Variants in KRT71 observed in about 807,000 individuals in gnomAD.
The protein encoded by KRT71 is keratin 71.
In KRT71, 42 loss-of-function variants were observed where a neutral mutation model predicts 46.2. The ratio of observed to expected loss-of-function variants is 0.91; its 90% CI spans 0.71 to 1.18. The LOEUF is 1.18. Among genes scored for constraint, KRT71 ranks in the 50% most tolerant of loss-of-function variants. The probability of loss-of-function intolerance (pLI) is 0.00; values close to 1 mark genes in which losing one functional copy is unlikely to be tolerated. For missense variants in KRT71, 708 were observed against 677.9 expected (o/e 1.04, Z -0.49); for synonymous variants, 292 against 277.8 (o/e 1.05, Z -0.51).
In KRT71 at chr12:52,544,609, C is replaced by G. The variant is rs1281728918; in HGVS notation, c.1495G>C (p.Gly499Arg). ...SVRGGEGRSR[G>R]SANDYKDTLG... ...GTGTCTTTGTAATCGTTGGCACTGC[C>G]CCGGCTCCTGCCCTCCCCGCCTCTC... The change falls in exon 9 of 9, where the codon GGC becomes CGC. Residue 499 changes from glycine to arginine, a missense_variant. Transcript: ENST00000267119. 9 of 1,613,976 alleles carry G rather than the reference C, an allele frequency of 5.6e-6. No individual in the cohort carries two copies. The highest frequency in any genetic ancestry group is 1.7e-5 in the Admixed American group (1 of 60,010).
intron 8 of KRT71, 55 bp from the exon 9 acceptor site, chr12:52,544,798 C>G: frequency 6.8e-7 from 1 of 1,478,184 alleles, no homozygotes; most frequent in Non-Finnish European, 9.2e-7. Flanking sequence ...GGGAGGCCTC[C>G]TTTTCCCCAG....
rs748323329 is a variant in KRT71, at chr12:52,552,811, C to A, written c.267G>T (p.Leu89=). The A allele has an allele frequency of 1.2e-6, 2 of 1,614,238 alleles. No individual in the cohort carries two copies. The highest frequency in any genetic ancestry group is 1.7e-6 in the Non-Finnish European group (2 of 1,180,046). ...GGCATACAGTTGGGCACACAGGCCCCAGGGCCACACTGCCAAACATGCTTC... is the reference window on the plus strand; with the variant it reads ...GGCATACAGTTGGGCACACAGGCCCAAGGGCCACACTGCCAAACATGCTTC... The part of the protein sequence containing the change: ...FAGSMFGSVA[L]GPVCPTVCPP... The change falls in exon 1 of 9, where the codon CTG becomes CTT. Residue 89 remains leucine (L), a synonymous_variant. Transcript: ENST00000267119.
chr12:52,550,724 C>T (rs2120583241), intron 1 of KRT71, among the ~76,000 whole-genome samples: 1 of 152,274 alleles, frequency 6.6e-6, no homozygotes, highest in South Asian at 2.1e-4. Flanking sequence ...GCTTATAGCC[C>T]CTCCTCTCCC....
rs1471958784 is a variant in KRT71, at chr12:52,545,086, G to T, written c.1361-343C>A. On this transcript the variant is annotated intron_variant, in intron 8 of 8. Coordinates refer to ENST00000267119, the MANE Select transcript of KRT71 (RefSeq NM_033448.3). ...AGCCTCTAACCTCTTCCTCCTGCTAGCTGTCCCACAGCAGGCATCTTTCCC... is the reference window on the plus strand; with the variant it reads ...AGCCTCTAACCTCTTCCTCCTGCTATCTGTCCCACAGCAGGCATCTTTCCC... Among the ~76,000 whole-genome samples, 3 of 152,152 alleles carry T rather than the reference G, an allele frequency of 2.0e-5. No individual in the cohort carries two copies. In the East Asian group the frequency reaches 5.8e-4, roughly 29 times the overall value.
At chr12:52,551,934 T>A (rs1450068499) in intron 1 of KRT71, among the ~76,000 whole-genome samples, 1 of 152,142 alleles carries the variant, frequency 6.6e-6, no homozygotes, top group Non-Finnish European at 1.5e-5. Flanking sequence ...ACAATCACAA[T>A]CATTTTTGGA....
At chr12:52,550,491 T>G (rs899099754) in intron 1 of KRT71, among the ~76,000 whole-genome samples, 5 of 152,172 alleles carry the variant, frequency 3.3e-5, no homozygotes, top group African/African-American at 1.2e-4. Flanking sequence ...CTGTAACCCG[T>G]GCATGCAATC....
At chr12:52,547,201 A>G (rs1372734519) in intron 6 of KRT71, among the ~76,000 whole-genome samples, 1 of 152,150 alleles carries the variant, frequency 6.6e-6, no homozygotes, top group Non-Finnish European at 1.5e-5. Flanking sequence ...TCTGAGCCTC[A>G]GTTTCCTCAT....
At chr12:52,551,921 G>GTCACAA (rs1245541070) in intron 1 of KRT71, among the ~76,000 whole-genome samples, 2 of 152,214 alleles carry the variant, frequency 1.3e-5, no homozygotes, top group Non-Finnish European at 2.9e-5. Context: ...AGAAATGAGA[G>GTCACAA]TCACAATCAC....
Position 52,546,352 on chromosome 12 carries a change from C to T in KRT71, c.1259G>A (p.Ser420Asn), listed in dbSNP as rs749142193. ...RMLREYQELM[S>N]LKLALDMEIA... ...CTCCATGTCCAGGGCCAGCTTCAGGCTCATGAGCTCCTGGTACTCGCGCAG... is the reference window on the plus strand; with the variant it reads ...CTCCATGTCCAGGGCCAGCTTCAGGTTCATGAGCTCCTGGTACTCGCGCAG... Residue 420 changes from serine to asparagine, a missense_variant, in exon 7 of 9, where the codon AGC (serine) becomes AAC (asparagine). Coordinates refer to ENST00000267119, the MANE Select transcript of KRT71 (RefSeq NM_033448.3). 3 of 1,614,194 alleles carry T rather than the reference C, an allele frequency of 1.9e-6. No homozygotes were observed. In the South Asian group the frequency reaches 3.3e-5, roughly 18 times the overall value.
In KRT71 at chr12:52,544,126, A is replaced by G. The variant is rs1462706623; in HGVS notation, c.*406T>C. ...TGTCCTTCAGTCCTCCTTTTCTTAA[A>G]CACAGAGCCAGCTCCTGGCATAGGC... On this transcript the variant is annotated 3_prime_UTR_variant, in exon 9 of 9. Coordinates refer to ENST00000267119, the MANE Select transcript of KRT71 (RefSeq NM_033448.3). 1 of 202,250 alleles carries G rather than the reference A, an allele frequency of 4.9e-6. No homozygotes were observed. Among genetic ancestry groups the G allele is most frequent in the Non-Finnish European group, 1.0e-5 (1 of 97,830 alleles). 12.5% of individuals were successfully genotyped at this position (202,250 alleles called of 1,614,324 possible).
chr12:52,546,232 C>A, intron 7 of KRT71, 54 bp downstream of exon 7: 1 of 1,596,884 alleles, frequency 6.3e-7, no homozygotes, highest in Non-Finnish European at 8.6e-7. Context: ...AGGCTTTCTC[C>A]TTTGGGTCTT....
intron 8 of KRT71, among the ~76,000 whole-genome samples, chr12:52,545,305 C>T (rs1174005967): frequency 6.6e-6 from 1 of 152,188 alleles, no homozygotes; most frequent in Non-Finnish European, 1.5e-5. Flanking sequence ...CAACATAACC[C>T]TTGCTTTCCC....
In KRT71 at chr12:52,544,455, G is replaced by A; in HGVS notation, c.*77C>T. The stretch of plus-strand genomic sequence containing the variant: ...GGACCAGCAGGGTGGAGATGGAGCT[G>A]AGAGTGGGCTGTGGGAAGTACAGTG... On this transcript the variant is annotated 3_prime_UTR_variant, in exon 9 of 9. Transcript: ENST00000267119. 3.0e-6 allele frequency: 4 copies of A among 1,316,056 alleles called. No homozygotes were observed. The highest frequency in any genetic ancestry group is 4.4e-6 in the Non-Finnish European group (4 of 914,240). The allele number at this position is 1,316,056 out of a possible 1,614,324, so 81.5% of individuals were successfully genotyped here. A position where few individuals can be genotyped will look rare whatever the true frequency, so the allele number is the denominator to read the frequency against.
At chr12:52,548,640 C>T in intron 4 of KRT71, 61 bp downstream of exon 4, 1 of 1,458,984 alleles carries the variant, frequency 6.9e-7, no homozygotes. Flanking sequence ...CCTGCAGCCC[C>T]TAGAATAGAG....
At position 52,544,694 on chromosome 12, in the gene KRT71, G is replaced by C. The variant is rs1939028768; in HGVS notation, c.1410C>G (p.Ser470Arg). Reference protein sequence around the residue: ...SGGSVYGFRPSMVSGGYVANS... With the variant: ...SGGSVYGFRPRMVSGGYVANS... ...TGGCCACATAGCCACCGCTGACCAT[G>C]CTGGGCCGGAAGCCATAGACACTGC... Residue 470 changes from serine to arginine, a missense_variant, in exon 9 of 9, where the codon AGC (serine) becomes AGG (arginine). Ser to Arg is a moderately radical substitution (Grantham distance 110, BLOSUM62 -1). Coordinates refer to ENST00000267119, the MANE Select transcript of KRT71 (RefSeq NM_033448.3). 1 of 1,613,332 alleles carries C rather than the reference G, an allele frequency of 6.2e-7. No individual in the cohort carries two copies. Among genetic ancestry groups the C allele is most frequent in the Non-Finnish European group, 8.5e-7 (1 of 1,179,878 alleles).
In KRT71 at chr12:52,548,206, A is replaced by C; in HGVS notation, c.924T>G (p.Tyr308Ter). The C allele has an allele frequency of 1.2e-6, 2 of 1,614,126 alleles. No homozygotes were observed. Among genetic ancestry groups the C allele is most frequent in the Non-Finnish European group, 1.7e-6 (2 of 1,180,010 alleles). ...DSIIDEVRTQYEEIALKSKAE... is the reference protein window; with the variant it reads ...DSIIDEVRTQ ...CCTTACTCTTCAAGGCAATCTCCTC[A>C]TACTGGGTGCGGACTTCGTCAATGA... is the stretch of plus-strand genomic sequence containing the variant. Residue 308 changes from tyrosine (Y) to a stop codon, truncating the protein, a stop_gained, in exon 5 of 9, where the codon TAT becomes TAG. Coordinates refer to ENST00000267119, the MANE Select transcript of KRT71 (RefSeq NM_033448.3). LOFTEE classifies it high-confidence loss of function.
At position 52,550,200 on chromosome 12, in the gene KRT71, C is replaced by T. The variant is rs765309290; in HGVS notation, c.485G>A (p.Trp162Ter). The change falls in exon 2 of 9, where the codon TGG becomes TAG. Residue 162 changes from tryptophan to a stop codon, truncating the protein, a stop_gained. Coordinates refer to ENST00000267119, the MANE Select transcript of KRT71 (RefSeq NM_033448.3). LOFTEE classifies it high-confidence loss of function. ...CAGGTCCAGCTGCTGCAGCAGCTCC[C>T]ACTTGGTCTCCAGTACCTGGTTCTG... ...EQQNQVLETK[W>*]ELLQQLDLNN... 1 of 1,614,206 alleles carries T rather than the reference C, an allele frequency of 6.2e-7. No individual in the cohort carries two copies. The highest frequency in any genetic ancestry group is 8.5e-7 in the Non-Finnish European group (1 of 1,180,036).
In KRT71 at chr12:52,544,541, G is replaced by C; in HGVS notation, c.1563C>G (p.Thr521=). Residue 521 remains threonine (T), a synonymous_variant, in exon 9 of 9, where the codon ACC becomes ACG. Coordinates refer to ENST00000267119, the MANE Select transcript of KRT71 (RefSeq NM_033448.3). ...CCCGGGGCAGTCTTCTCTACCGACT[G>C]GTTTTCTTGGAGGGTGCACTCAGGC... is the stretch of plus-strand genomic sequence containing the variant. The part of the protein sequence containing the change: ...GSSLSAPSKK[T]SR 1 of 1,614,050 alleles carries C rather than the reference G, an allele frequency of 6.2e-7. No individual in the cohort carries two copies. Among genetic ancestry groups the C allele is most frequent in the Non-Finnish European group, 8.5e-7 (1 of 1,179,944 alleles).
rs1939192047 is a variant in KRT71, at chr12:52,552,667, C to T, written c.411G>A (p.Leu137=). 2 of 1,612,600 alleles carry T rather than the reference C, an allele frequency of 1.2e-6. No individual in the cohort carries two copies. The highest frequency in any genetic ancestry group is 1.3e-5 in the African/African-American group (1 of 74,834). The change falls in exon 1 of 9, where the codon CTG becomes CTA. Residue 137 remains leucine, a synonymous_variant. Transcript: ENST00000267119. The part of the protein sequence containing the change: ...RAQEREQIKA[L]NNKFASFIDK... ...CGATGAAGGAGGCGAACTTGTTGTTCAGAGCCTTGATCTGCTCTCGCTCCT... is the reference window on the plus strand; with the variant it reads ...CGATGAAGGAGGCGAACTTGTTGTTTAGAGCCTTGATCTGCTCTCGCTCCT...
Sources: allele counts gnomAD v4.1 joint callset (sites outside exome capture counted in the v4.1 genomes callset), GRCh38; gene constraint gnomAD v4.1.1; transcripts MANE v1.5; gene names NCBI Gene and HGNC (gene_info 2026-07-23, HGNC 2026-07-21).